Variants in DMRT1 observed in about 807,000 individuals in gnomAD.
The protein encoded by DMRT1 is doublesex- and mab-3-related transcription factor 1.
DMRT1 carries 7 observed loss-of-function variants against 32.3 expected under a neutral mutation model. The observed-to-expected ratio is 0.22, with a 90% CI of 0.12 to 0.41. The LOEUF (loss-of-function observed/expected upper bound fraction) is 0.41. DMRT1 is among the 10% of genes least tolerant of loss of function. The probability of loss-of-function intolerance (pLI) is 1.00; values close to 1 mark genes in which losing one functional copy is unlikely to be tolerated. For synonymous variants in DMRT1, 278 were observed against 206.1 expected (o/e 1.35, Z -2.99); for missense variants, 625 against 500.5 (o/e 1.25, Z -2.37).
rs557916537 is a variant in DMRT1 at position 890,082 on chromosome 9, C to T, written c.539-3830C>T. Among the ~76,000 whole-genome samples, 144 of 129,768 alleles carry T rather than the reference C, an allele frequency of 1.1e-3. 1 individual carries two copies. Among genetic ancestry groups the T allele is most frequent in the African/African-American group, 3.5e-3 (120 of 34,030 alleles). The allele number at this position is 129,768 out of a possible 152,430, so 85.1% of individuals were successfully genotyped here. Reference sequence around the variant, plus strand: ...AAAACCACCACTTAACGCCACCAAACGTGTTTTTTTTTTTTTTTTTTTTTG... The same window carrying T: ...AAAACCACCACTTAACGCCACCAAATGTGTTTTTTTTTTTTTTTTTTTTTG... On this transcript the variant is annotated intron_variant, in intron 2 of 4. Coordinates refer to ENST00000382276, the MANE Select transcript of DMRT1 (RefSeq NM_021951.3).
At chr9:890,960 C>T (rs535889393) in intron 2 of DMRT1, among the ~76,000 whole-genome samples, 10 of 151,364 alleles carry the variant, frequency 6.6e-5, no homozygotes, top group African/African-American at 2.4e-4. Flanking sequence ...GAACTCCTGA[C>T]CTCAAATGAT....
At chr9:865,109 G>A (rs1815921261) in intron 2 of DMRT1, among the ~76,000 whole-genome samples, 4 of 152,188 alleles carry the variant, frequency 2.6e-5, no homozygotes, top group Admixed American at 2.6e-4. Flanking sequence ...TGTGGAATGA[G>A]CATTGTCATT....
At chr9:939,542 C>T (rs898147057) in intron 4 of DMRT1, among the ~76,000 whole-genome samples, 2 of 152,188 alleles carry the variant, frequency 1.3e-5, no homozygotes, top group Admixed American at 1.3e-4. Flanking sequence ...GTTGTATATT[C>T]TTTCTCTCGT....
intron 3 of DMRT1, among the ~76,000 whole-genome samples, chr9:913,477 T>G (rs570315288): frequency 9.8e-5 from 15 of 152,288 alleles, no homozygotes; most frequent in South Asian, 2.1e-4. Context: ...GAAAAAAATC[T>G]TTTAGTTCTG....
At chr9:869,986 G>C (rs997720696) in intron 2 of DMRT1, among the ~76,000 whole-genome samples, 8 of 152,122 alleles carry the variant, frequency 5.3e-5, no homozygotes, top group African/African-American at 1.9e-4. Flanking sequence ...TACGGCCCTG[G>C]AGATAAACAG....
chr9:959,084 T>C (rs920987621), intron 4 of DMRT1, among the ~76,000 whole-genome samples: 1 of 152,268 alleles, frequency 6.6e-6, no homozygotes, highest in Non-Finnish European at 1.5e-5. Context: ...CAGCCTACTT[T>C]ATGGGTTTGA....
chr9:893,367 A>G (rs1278547715), intron 2 of DMRT1, among the ~76,000 whole-genome samples: 1 of 152,256 alleles, frequency 6.6e-6, no homozygotes, highest in African/African-American at 2.4e-5. Flanking sequence ...AATAGTTGAC[A>G]AAACCTGAAA....
At chr9:842,253 T>C (rs1424999122) in intron 1 of DMRT1, 61 bp downstream of exon 1, 22 of 1,442,568 alleles carry the variant, frequency 1.5e-5, no homozygotes, top group Non-Finnish European at 1.9e-5. Flanking sequence ...TTTTTTTTTT[T>C]AGATGGAGTC....
chr9:925,190 T>C (rs563166684), intron 4 of DMRT1, among the ~76,000 whole-genome samples: 2 of 152,204 alleles, frequency 1.3e-5, no homozygotes, highest in East Asian at 3.9e-4. Flanking sequence ...CGTGCAGTGT[T>C]CTCAGATGGC....
chr9:845,844 A>C (rs7040448), intron 1 of DMRT1, among the ~76,000 whole-genome samples: 135,887 of 152,168 alleles, frequency 0.89, 60,812 homozygotes, highest in Middle Eastern at 0.93. Context: ...TTGCCTGTCC[A>C]AGTCCTCCTC....
intron 2 of DMRT1, among the ~76,000 whole-genome samples, chr9:859,482 C>T (rs1815557017): frequency 2.0e-5 from 3 of 152,134 alleles, no homozygotes; most frequent in Admixed American, 6.5e-5. Context: ...TGACTTGTCA[C>T]GGTCCCTTTT....
At chr9:856,064 C>G (rs1589453356) in intron 2 of DMRT1, among the ~76,000 whole-genome samples, 1 of 151,938 alleles carries the variant, frequency 6.6e-6, no homozygotes, top group Non-Finnish European at 1.5e-5. Context: ...TTACAGGCGC[C>G]CGCCACCATG....
intron 2 of DMRT1, among the ~76,000 whole-genome samples, chr9:863,764 G>A (rs772308674): frequency 9.2e-5 from 14 of 152,206 alleles, no homozygotes; most frequent in Non-Finnish European, 1.2e-4. Flanking sequence ...GATGACTAAT[G>A]CAACTGGTAT....
At chr9:952,298 A>G (rs932662079) in intron 4 of DMRT1, among the ~76,000 whole-genome samples, 2 of 152,202 alleles carry the variant, frequency 1.3e-5, no homozygotes, top group African/African-American at 4.8e-5. Context: ...TTAGTTGTGG[A>G]GGTAGATTAA....
chr9:936,082 C>T (rs560947991), intron 4 of DMRT1, among the ~76,000 whole-genome samples: 1 of 152,332 alleles, frequency 6.6e-6, no homozygotes, highest in South Asian at 2.1e-4. Flanking sequence ...CTCGGAAAAG[C>T]ATGGCTTCTT....
chr9:895,525 C>G (rs1254580864), intron 3 of DMRT1, among the ~76,000 whole-genome samples: 1 of 152,138 alleles, frequency 6.6e-6, no homozygotes, highest in Admixed American at 6.5e-5. Context: ...TTTTCACTTT[C>G]CCAGCTTTAT....
Position 894,160 on chromosome 9 carries a change from C to G in DMRT1, c.787C>G (p.Pro263Ala). Residue 263 changes from proline (P) to alanine (A), a missense_variant, in exon 3 of 5, where the codon CCT becomes GCT. Around this residue, in one of 3 missense-constraint regions of DMRT1, gnomAD observed 416 missense variants for 321.6 expected, o/e 1.29. Coordinates refer to ENST00000382276, the MANE Select transcript of DMRT1 (RefSeq NM_021951.3). ...GAACAGCCTTCGGGGCCTCCCCGGA[C>G]CTTATGTGCCTGGTCAGACAGGAAA... ...VKNSLRGLPG[P>A]YVPGQTGNQW... 1 of 1,613,968 alleles carries G rather than the reference C, an allele frequency of 6.2e-7. No homozygotes were observed. The highest frequency in any genetic ancestry group is 8.5e-7 in the Non-Finnish European group (1 of 1,180,048).
At chr9:932,057 A>G (rs561953424) in intron 4 of DMRT1, among the ~76,000 whole-genome samples, 11 of 152,260 alleles carry the variant, frequency 7.2e-5, no homozygotes, top group African/African-American at 2.4e-4. Flanking sequence ...TCGCATCCCT[A>G]GAGCCAGCGG....
At chr9:946,043 T>C (rs927383660) in intron 4 of DMRT1, among the ~76,000 whole-genome samples, 3 of 152,202 alleles carry the variant, frequency 2.0e-5, no homozygotes, top group Non-Finnish European at 2.9e-5. Context: ...TTATTATTCT[T>C]AACTGGCACC....
Sources: gnomAD v4.1 joint callset for allele counts (sites outside exome capture counted in the v4.1 genomes callset) on GRCh38, gnomAD v4.1.1 for gene constraint, gnomAD v4.1.1 regional missense constraint, MANE v1.5 for transcripts, NCBI Gene and HGNC (gene_info 2026-07-23, HGNC 2026-07-21) for gene names.